LSP1: variants seen among roughly 807,000 people sequenced by gnomAD.
The protein encoded by LSP1 is lymphocyte specific protein 1.
In LSP1, 32 loss-of-function variants were observed where a neutral mutation model predicts 49.3. The ratio of observed to expected loss-of-function variants is 0.65; its 90% CI spans 0.49 to 0.87. The LOEUF is 0.87. LSP1 is among the 40% of genes least tolerant of loss of function. The pLI, the probability that LSP1 is intolerant of heterozygous loss-of-function variation, is 0.00. For synonymous variants in LSP1, 179 were observed against 178.8 expected, an observed-to-expected ratio of 1.00 and a Z score of -0.01; for missense variants, 428 against 442.6, an observed-to-expected ratio of 0.97 and a Z score of 0.30.
intron 1 of LSP1, chr11:1,865,298 AG>A (rs1847749955): frequency 1.0e-6 from 1 of 953,642 alleles, no homozygotes; most frequent in African/African-American, 1.8e-5. Context: ...CATGGAGGGC[AG>A]GGCAGGGTGC....
intron 1 of LSP1, chr11:1,864,148 A>G: frequency 1.0e-6 from 1 of 980,878 alleles, no homozygotes; most frequent in South Asian, 4.7e-5. Context: ...GAGGGAAAGG[A>G]GAGAGGAGAG....
intron 1 of LSP1, among the ~76,000 whole-genome samples, chr11:1,854,656 C>T (rs72843931): frequency 0.014 from 2,136 of 152,138 alleles, 17 homozygotes; most frequent in Non-Finnish European, 0.021. Flanking sequence ...GTCGGGACGT[C>T]CGTGCCTGTC....
At position 1,853,181 on chromosome 11, in the gene LSP1, C is replaced by A. The variant is rs148966414; in HGVS notation, c.37C>A (p.Arg13=). 6.1e-5 allele frequency: 99 copies of A among 1,610,878 alleles called. No homozygotes were observed. The highest frequency in any genetic ancestry group is 7.7e-5 in the Non-Finnish European group (91 of 1,179,364). The change falls in exon 1 of 11, where the codon CGG becomes AGG. Residue 13 remains arginine (R), a synonymous_variant. Coordinates refer to ENST00000311604, the MANE Select transcript of LSP1 (RefSeq NM_002339.3). ...TTCGAGTGACCCGGGTGCCGAGGAG[C>A]GGGAAGAGTTGCTGGGGTAAGGGTC... ...EASSDPGAEE[R]EELLGPTAQW...
intron 1 of LSP1, among the ~76,000 whole-genome samples, chr11:1,857,194 A>C (rs1281947484): frequency 6.6e-6 from 1 of 152,082 alleles, no homozygotes; most frequent in Non-Finnish European, 1.5e-5. Flanking sequence ...GGAGCATCAC[A>C]GGCCCCACCC....
intron 1 of LSP1, chr11:1,868,986 G>A: frequency 1.0e-6 from 1 of 986,346 alleles, no homozygotes; most frequent in Non-Finnish European, 1.2e-6. Context: ...GCTTGGCAGA[G>A]GTCGGTGGAC....
chr11:1,890,283 G>C (rs1417626881), intron 10 of LSP1: 1 of 712,554 alleles, frequency 1.4e-6, no homozygotes, highest in Non-Finnish European at 2.6e-6. Context: ...AGCCTCGGCG[G>C]GGCGTGGGGC....
chr11:1,871,137 C>T (rs1847984282), intron 1 of LSP1: 4 of 985,410 alleles, frequency 4.1e-6, no homozygotes, highest in Non-Finnish European at 2.4e-6. Context: ...GTGGCACGGG[C>T]TCGGCAGCGT....
intron 1 of LSP1, chr11:1,868,575 G>A (rs1376957668): frequency 1.1e-6 from 1 of 883,678 alleles, no homozygotes; most frequent in Non-Finnish European, 1.4e-6. Context: ...GGGGGCTGGG[G>A]GAAGCCAGGC....
chr11:1,870,529 G>A, intron 1 of LSP1: 4 of 1,173,810 alleles, frequency 3.4e-6, no homozygotes, highest in Non-Finnish European at 3.3e-6. Context: ...CATGGTGTGG[G>A]GGTGTCAGGA....
At chr11:1,858,645 C>G (rs1325063754) in intron 1 of LSP1, among the ~76,000 whole-genome samples, 1 of 152,208 alleles carries the variant, frequency 6.6e-6, no homozygotes, top group East Asian at 1.9e-4. Context: ...GGGAAGCGAG[C>G]GGGCTGGAGA....
chr11:1,889,592 T>C, intron 10 of LSP1: 1 of 612,096 alleles, frequency 1.6e-6, no homozygotes, highest in Non-Finnish European at 3.0e-6. Context: ...TGGGTGCAAC[T>C]TTGGGGACAG....
intron 1 of LSP1, among the ~76,000 whole-genome samples, chr11:1,853,910 C>T (rs1847423322): frequency 1.3e-5 from 2 of 152,276 alleles, no homozygotes; most frequent in Admixed American, 1.3e-4. Context: ...CTCTGTGGTA[C>T]CAATGGGCAT....
intron 7 of LSP1, among the ~76,000 whole-genome samples, chr11:1,885,722 A>G (rs1456463097): frequency 2.6e-5 from 4 of 151,738 alleles, no homozygotes; most frequent in Non-Finnish European, 5.9e-5. Flanking sequence ...GTGCCCCTCC[A>G]TCCACCCAGT....
chr11:1,886,813 T>C lies in LSP1; in HGVS notation c.799T>C (p.Trp267Arg). 1 of 1,611,736 alleles carries C rather than the reference T, an allele frequency of 6.2e-7. No individual in the cohort carries two copies. Among genetic ancestry groups the C allele is most frequent in the Admixed American group, 1.7e-5 (1 of 60,002 alleles). Residue 267 changes from tryptophan (W) to arginine (R), a missense_variant, in exon 8 of 11, where the codon TGG becomes CGG. By Grantham distance (101) the Trp-to-Arg change is moderately radical. Transcript: ENST00000311604. ...GGCTGTGGCCAGTACCAAGAGTCGG[T>C]GGGAGACGGGTGAGGTACAGGCTCA... ...SMAVASTKSR[W>R]ETGEVQAQSA...
chr11:1,857,176 C>T (rs72843933), intron 1 of LSP1, among the ~76,000 whole-genome samples: 28,111 of 152,164 alleles, frequency 0.18, 3,083 homozygotes, highest in South Asian at 0.4. Context: ...GGGCTGGTCG[C>T]ACAAGTGGGA....
chr11:1,853,611 G>A (rs919519198), intron 1 of LSP1, among the ~76,000 whole-genome samples: 2 of 152,182 alleles, frequency 1.3e-5, no homozygotes, highest in Admixed American at 6.5e-5. Context: ...AACTGGCCCG[G>A]GCCTGGCCAC....
chr11:1,889,714 T>G (rs1589835689), intron 10 of LSP1: 2 of 649,830 alleles, frequency 3.1e-6, no homozygotes, highest in Non-Finnish European at 5.7e-6. Context: ...AGGTGCTCTC[T>G]GCCAGGGCCC....
intron 10 of LSP1, chr11:1,890,725 A>T: frequency 1.7e-6 from 1 of 605,678 alleles, no homozygotes; most frequent in Non-Finnish European, 2.9e-6. Context: ...CTGAGCACCC[A>T]GAACCTGCCA....
At position 1,884,161 on chromosome 11, in the gene LSP1, C is replaced by A; in HGVS notation, c.592-119C>A. ...TGCTATCCCCCCATTGCCCGGTGCT[C>A]AGCGAACCCCCATGATATAAGGGTT... is the stretch of plus-strand genomic sequence containing the variant. On this transcript the variant is annotated intron_variant, in intron 5 of 10. Coordinates refer to ENST00000311604, the MANE Select transcript of LSP1 (RefSeq NM_002339.3). This position sits in a 1 kb window ranked among gnomAD's most constrained non-coding sequence, Gnocchi z 4.1. 1 of 1,437,538 alleles carries A rather than the reference C, an allele frequency of 7.0e-7. No homozygotes were observed. The highest frequency in any genetic ancestry group is 9.8e-7 in the Non-Finnish European group (1 of 1,022,530). The allele number at this position is 1,437,538 out of a possible 1,614,324, so 89.0% of individuals were successfully genotyped here.
Sources: allele counts gnomAD v4.1 joint callset (sites outside exome capture counted in the v4.1 genomes callset), GRCh38; gene constraint gnomAD v4.1.1; non-coding constraint Gnocchi (gnomAD v3.1); transcripts MANE v1.5; gene names NCBI Gene and HGNC (gene_info 2026-07-23, HGNC 2026-07-21).